SEL1L2: variants seen among roughly 807,000 people sequenced by gnomAD.
The protein encoded by SEL1L2 is SEL1L2 adaptor subunit of SYVN1 ubiquitin ligase, also known as protein sel-1 homolog 2.
A neutral mutation model predicts 98.8 loss-of-function variants in SEL1L2; 89 were observed. That is an observed-to-expected ratio of 0.90 (90% CI 0.76 to 1.07). SEL1L2 has a LOEUF of 1.07. Among genes scored for constraint, SEL1L2 ranks in the 50% least tolerant of loss-of-function variants. The pLI, the probability that SEL1L2 is intolerant of heterozygous loss-of-function variation, is 0.00. For synonymous variants in SEL1L2, 262 were observed against 278.5 expected, an observed-to-expected ratio of 0.94 and a Z score of 0.59; for missense variants, 788 against 812.0, an observed-to-expected ratio of 0.97 and a Z score of 0.36.
intron 1 of SEL1L2, among the ~76,000 whole-genome samples, chr20:13,972,477 G>C: frequency 6.6e-6 from 1 of 152,144 alleles, no homozygotes; most frequent in East Asian, 1.9e-4. Flanking sequence ...TTTATCATAA[G>C]TCTTAAAGGT....
chr20:13,859,669 A>G (rs1017454009), intron 17 of SEL1L2, among the ~76,000 whole-genome samples: 2 of 152,156 alleles, frequency 1.3e-5, no homozygotes, highest in Non-Finnish European at 2.9e-5. Context: ...CATCCATGGT[A>G]TAGTATGCAT....
intron 2 of SEL1L2, among the ~76,000 whole-genome samples, chr20:13,954,468 G>C (rs1405834987): frequency 6.6e-6 from 1 of 152,106 alleles, no homozygotes; most frequent in Non-Finnish European, 1.5e-5. Context: ...AATTGAGTGA[G>C]ATATACAATC....
chr20:13,900,966 C>T lies in SEL1L2; in HGVS notation c.550-12454G>A, dbSNP rs1346957115. Among the ~76,000 whole-genome samples, 4 of 151,918 alleles carry T rather than the reference C, an allele frequency of 2.6e-5. No individual in the cohort carries two copies. The East Asian group carries it at 7.7e-4, about 29-fold the overall frequency. ...TTTATGAAATAAATGACTTTGTTCT[C>T]GAATTCATTATATTGATTTCAGTTT... On this transcript the variant is annotated intron_variant, in intron 5 of 19. Transcript: ENST00000284951.
chr20:13,974,272 G>C (rs1191232155), intron 1 of SEL1L2, among the ~76,000 whole-genome samples: 1 of 152,024 alleles, frequency 6.6e-6, no homozygotes, highest in Non-Finnish European at 1.5e-5. Flanking sequence ...TCAACTCTCT[G>C]ATGCATTTAA....
At position 13,931,989 on chromosome 20, in the gene SEL1L2, C is replaced by T. The variant is rs147397555; in HGVS notation, c.115-218G>A. On this transcript the variant is annotated intron_variant, in intron 2 of 19. Transcript: ENST00000284951. ...AAACCTTTTAAATCTATTATATTGT[C>T]ATCTGAACTACAGAGCCAAGCATTA... Among the ~76,000 whole-genome samples, 459 of 152,210 alleles carry T rather than the reference C, an allele frequency of 3.0e-3. 5 individuals are homozygous for T. Among genetic ancestry groups the T allele is most frequent in the African/African-American group, 0.011 (444 of 41,540 alleles).
chr20:13,962,576 T>A (rs1857777772), intron 1 of SEL1L2, among the ~76,000 whole-genome samples: 1 of 152,194 alleles, frequency 6.6e-6, no homozygotes, highest in Admixed American at 6.5e-5. Context: ...TGAGGAGTAA[T>A]AAATCATTGT....
At chr20:13,882,125 T>G (rs949060907) in intron 10 of SEL1L2, among the ~76,000 whole-genome samples, 1 of 151,506 alleles carries the variant, frequency 6.6e-6, no homozygotes, top group Non-Finnish European at 1.5e-5. Flanking sequence ...AAAAAGAAAA[T>G]AAAAAGAAAA....
At chr20:13,852,612 C>T (rs1568818138) in intron 18 of SEL1L2, among the ~76,000 whole-genome samples, 1 of 152,176 alleles carries the variant, frequency 6.6e-6, no homozygotes, top group African/African-American at 2.4e-5. Flanking sequence ...TTCTGTGGTA[C>T]ATTTGAGTTT....
intron 12 of SEL1L2, among the ~76,000 whole-genome samples, chr20:13,874,585 T>C (rs2046352378): frequency 6.6e-6 from 1 of 152,200 alleles, no homozygotes; most frequent in African/African-American, 2.4e-5. Flanking sequence ...ATAAGAGATT[T>C]TCCATGTTAC....
At chr20:13,865,022 C>T in intron 17 of SEL1L2, 145 bp downstream of exon 17, 1 of 625,300 alleles carries the variant, frequency 1.6e-6, no homozygotes, top group Non-Finnish European at 2.9e-6. Flanking sequence ...AAAGACTGAC[C>T]CTAACATCAG....
chr20:13,963,391 CAAAAAAAAA>C (rs67070339), intron 1 of SEL1L2, among the ~76,000 whole-genome samples: 20 of 48,194 alleles, frequency 4.1e-4, no homozygotes, highest in South Asian at 2.2e-3. Context: ...TCTGGAGCAG[CAAAAAAAAA>C]AAAAAAAAAA....
intron 1 of SEL1L2, among the ~76,000 whole-genome samples, chr20:13,973,069 C>CT (rs1354799320): frequency 1.7e-4 from 26 of 152,080 alleles, no homozygotes; most frequent in Non-Finnish European, 3.5e-4. Flanking sequence ...TATGTATCAC[C>CT]TCCCTGTCTG....
chr20:13,865,352 A>G lies in SEL1L2; in HGVS notation c.1567T>C (p.Ser523Pro). Residue 523 changes from serine to proline, a missense_variant, in exon 16 of 20, where the codon TCT becomes CCT. Ser to Pro is a moderately conservative substitution (Grantham distance 74). Transcript: ENST00000284951. ...AGAGAATTTTAACTCATCTTACTAG[A>G]TTCCAAAATGAATGCTGAATTGCTT... The part of the protein sequence containing the change: ...AQSNSAFILE[S>P]KKANILEKEK... The G allele has an allele frequency of 6.2e-7, 1 of 1,614,056 alleles. No individual in the cohort carries two copies. The highest frequency in any genetic ancestry group is 8.5e-7 in the Non-Finnish European group (1 of 1,179,922).
intron 1 of SEL1L2, among the ~76,000 whole-genome samples, chr20:13,978,155 C>T (rs190121061): frequency 7.4e-4 from 113 of 152,260 alleles, no homozygotes; most frequent in Non-Finnish European, 1.4e-3. Flanking sequence ...TAAAAACAGA[C>T]ACACTGACCA....
chr20:13,892,727 A>G lies in SEL1L2; in HGVS notation c.550-4215T>C, dbSNP rs140127350. On this transcript the variant is annotated intron_variant, in intron 5 of 19. Coordinates refer to ENST00000284951, the MANE Select transcript of SEL1L2 (RefSeq NM_025229.2). ...AAATGGATTAAACTTCCAAATAAAAAGATATAGAGTGACTGAATGAATAAG... is the reference window on the plus strand; with the variant it reads ...AAATGGATTAAACTTCCAAATAAAAGGATATAGAGTGACTGAATGAATAAG... 9.0e-4 allele frequency among the ~76,000 whole-genome samples: 137 copies of G among 152,352 alleles called. 1 individual carries two copies. The highest frequency in any genetic ancestry group is 3.2e-3 in the African/African-American group (134 of 41,592).
At chr20:13,947,635 T>A (rs1223329608) in intron 2 of SEL1L2, among the ~76,000 whole-genome samples, 1 of 152,060 alleles carries the variant, frequency 6.6e-6, no homozygotes, top group Non-Finnish European at 1.5e-5. Context: ...CTGCAGGCAA[T>A]GAGAAGAAGA....
At chr20:13,895,567 A>G (rs1212402369) in intron 5 of SEL1L2, among the ~76,000 whole-genome samples, 4 of 152,152 alleles carry the variant, frequency 2.6e-5, no homozygotes, top group African/African-American at 7.2e-5. Context: ...TGAGAAAAAC[A>G]CTCAACAAAC....
chr20:13,859,795 G>A (rs1285274224), intron 17 of SEL1L2, among the ~76,000 whole-genome samples: 1 of 152,156 alleles, frequency 6.6e-6, no homozygotes, highest in East Asian at 1.9e-4. Context: ...TGCCTCTCAG[G>A]TTCAAGCGAT....
At position 13,850,248 on chromosome 20, in the gene SEL1L2, G is replaced by A. The variant is rs1405310040; in HGVS notation, c.1890C>T (p.Leu630=). 3 of 1,613,916 alleles carry A rather than the reference G, an allele frequency of 1.9e-6. No individual in the cohort carries two copies. The highest frequency in any genetic ancestry group is 2.5e-6 in the Non-Finnish European group (3 of 1,179,940). ...TAGTTTCCAGTTTCATGACGGCAAA[G>A]AGCACAGGTATGTGGGCATCTGGAC... The part of the protein sequence containing the change: ...QTSPDAHIPV[L]FAVMKLETTH... Residue 630 remains leucine (L), a synonymous_variant, in exon 19 of 20, where the codon CTC becomes CTT. Coordinates refer to ENST00000284951, the MANE Select transcript of SEL1L2 (RefSeq NM_025229.2).
Sources: allele counts gnomAD v4.1 joint callset (sites outside exome capture counted in the v4.1 genomes callset), GRCh38; gene constraint gnomAD v4.1.1; transcripts MANE v1.5; gene names NCBI Gene and HGNC (gene_info 2026-07-23, HGNC 2026-07-21).